The following ST6GAL1 variants were observed in gnomAD, a reference collection of about 807,000 sequenced individuals.
ST6GAL1 encodes the protein ST6 beta-galactoside alpha-2,6-sialyltransferase 1.
ST6GAL1 carries 20 observed loss-of-function variants against 38.0 expected under a neutral mutation model. The ratio of observed to expected loss-of-function variants is 0.53; its 90% CI spans 0.37 to 0.77. The LOEUF is 0.77. Among genes scored for constraint, ST6GAL1 ranks in the 30% least tolerant of loss-of-function variants. The pLI, the probability that ST6GAL1 is intolerant of heterozygous loss-of-function variation, is 0.00. For synonymous variants in ST6GAL1, 196 were observed against 188.2 expected (o/e 1.04, Z -0.34); for missense variants, 432 against 496.4 (o/e 0.87, Z 1.23).
At chr3:186,944,804 T>A (rs13060992) in intron 1 of ST6GAL1, among the ~76,000 whole-genome samples, 2 of 152,134 alleles carry the variant, frequency 1.3e-5, no homozygotes, top group Admixed American at 6.5e-5. Context: ...GCGGAGGCAC[T>A]CGTCGCTTTT....
At chr3:187,019,570 T>G (rs1282757094) in intron 2 of ST6GAL1, among the ~76,000 whole-genome samples, 2 of 152,220 alleles carry the variant, frequency 1.3e-5, no homozygotes, top group African/African-American at 4.8e-5. Context: ...GCAAACTTCT[T>G]GTGGGGCAGC....
At chr3:186,960,514 C>T (rs1048910072) in intron 1 of ST6GAL1, among the ~76,000 whole-genome samples, 1 of 152,110 alleles carries the variant, frequency 6.6e-6, no homozygotes, top group Non-Finnish European at 1.5e-5. Context: ...CTTGTGGTGA[C>T]AGATTACAGA....
intron 1 of ST6GAL1, among the ~76,000 whole-genome samples, chr3:186,933,240 A>T (rs1713823822): frequency 6.6e-6 from 1 of 152,184 alleles, no homozygotes; most frequent in Admixed American, 6.5e-5. Context: ...CAAACCGGTC[A>T]GCATGCACTC....
At chr3:187,024,984 G>GGAGC (rs144967613) in intron 2 of ST6GAL1, 1 of 127,684 alleles carries the variant, frequency 7.8e-6, no homozygotes, top group Non-Finnish European at 1.6e-5. Context: ...GGCAGAACCT[G>GGAGC]GTGCGTGTGT....
chr3:187,017,813 A>G (rs549698645), intron 2 of ST6GAL1, among the ~76,000 whole-genome samples: 1 of 152,328 alleles, frequency 6.6e-6, no homozygotes, highest in South Asian at 2.1e-4. Flanking sequence ...CGCGATCCCC[A>G]GCCCTGGAAT....
In ST6GAL1 at chr3:186,949,278, G is replaced by A. The variant is rs541347562; in HGVS notation, c.-324-14507G>A. ...GTGAGAGAGGGAAGAAGGCAGCTAGGGAGCTGTGACGTGGCAGCCAGGCTG... is the reference window on the plus strand; with the variant it reads ...GTGAGAGAGGGAAGAAGGCAGCTAGAGAGCTGTGACGTGGCAGCCAGGCTG... On this transcript the variant is annotated intron_variant, in intron 1 of 7. Transcript: ENST00000169298. 5.9e-5 allele frequency among the ~76,000 whole-genome samples: 9 copies of A among 152,288 alleles called. No individual in the cohort carries two copies. In the South Asian group the frequency reaches 1.9e-3, roughly 32 times the overall value.
intron 5 of ST6GAL1, among the ~76,000 whole-genome samples, chr3:187,068,774 T>C (rs1719261911): frequency 1.3e-5 from 2 of 152,222 alleles, no homozygotes; most frequent in African/African-American, 4.8e-5. Context: ...CTCATGAGTA[T>C]GTATATATCA....
At position 187,031,966 on chromosome 3, in the gene ST6GAL1, C is replaced by T. The variant is rs77982432; in HGVS notation, c.-182-6776C>T. Among the ~76,000 whole-genome samples, 227 of 152,272 alleles carry T rather than the reference C, an allele frequency of 1.5e-3. 2 individuals are homozygous for T. The highest frequency in any genetic ancestry group is 5.3e-3 in the African/African-American group (221 of 41,548). On this transcript the variant is annotated intron_variant, in intron 2 of 7. Transcript: ENST00000169298. ...GCTATAGTCAGTGCTTGGCACATAGCTAGTGCTAAATAAATGGTAGCTATT... is the reference window on the plus strand; with the variant it reads ...GCTATAGTCAGTGCTTGGCACATAGTTAGTGCTAAATAAATGGTAGCTATT...
At chr3:186,999,417 T>C (rs1033523840) in intron 2 of ST6GAL1, among the ~76,000 whole-genome samples, 2 of 150,820 alleles carry the variant, frequency 1.3e-5, no homozygotes, top group Non-Finnish European at 3.0e-5. Flanking sequence ...TAATCTCTTT[T>C]TTTTTTTTTT....
intron 2 of ST6GAL1, among the ~76,000 whole-genome samples, chr3:187,014,990 C>T (rs1390731566): frequency 6.6e-6 from 1 of 152,180 alleles, no homozygotes; most frequent in Non-Finnish European, 1.5e-5. Context: ...CTTATTGATT[C>T]CACGAATAAA....
intron 1 of ST6GAL1, among the ~76,000 whole-genome samples, chr3:186,960,402 A>G (rs1714893798): frequency 6.6e-6 from 1 of 152,226 alleles, no homozygotes; most frequent in African/African-American, 2.4e-5. Flanking sequence ...GGAGTTGAGC[A>G]CAATCTTGGC....
intron 2 of ST6GAL1, among the ~76,000 whole-genome samples, chr3:187,010,792 G>T (rs1054893265): frequency 6.6e-6 from 1 of 152,156 alleles, no homozygotes; most frequent in African/African-American, 2.4e-5. Context: ...CCAAAGCCCC[G>T]CGTCTATCAC....
chr3:186,992,948 A>G (rs962123107), intron 2 of ST6GAL1, among the ~76,000 whole-genome samples: 4 of 152,102 alleles, frequency 2.6e-5, no homozygotes, highest in Non-Finnish European at 5.9e-5. Context: ...CAAACTGTTT[A>G]CTAACTTGCC....
chr3:187,009,167 A>C (rs1344572412), intron 2 of ST6GAL1, among the ~76,000 whole-genome samples: 1 of 148,002 alleles, frequency 6.8e-6, no homozygotes, highest in African/African-American at 2.5e-5. Flanking sequence ...TAGTTTTATA[A>C]TATTCTTTAT....
At chr3:187,071,444 T>C (rs1719366746) in intron 5 of ST6GAL1, among the ~76,000 whole-genome samples, 1 of 152,082 alleles carries the variant, frequency 6.6e-6, no homozygotes, top group Admixed American at 6.5e-5. Context: ...TTATTCCCAT[T>C]TCACCGATCA....
At chr3:187,071,776 C>CAAAAAAAAAAAAAAAAA (rs11330261) in intron 5 of ST6GAL1, among the ~76,000 whole-genome samples, 2 of 72,342 alleles carry the variant, frequency 2.8e-5, no homozygotes, top group East Asian at 4.6e-4. Context: ...GACTCCGCCT[C>CAAAAAAAAAAAAAAAAA]AAAAAAAAAA....
intron 5 of ST6GAL1, among the ~76,000 whole-genome samples, chr3:187,066,864 G>A (rs184005316): frequency 1.3e-5 from 2 of 152,122 alleles, no homozygotes; most frequent in East Asian, 3.9e-4. Context: ...CTGCAGGTAA[G>A]TACAGGCGTT....
intron 2 of ST6GAL1, chr3:186,964,202 C>T (rs1363859012): frequency 6.6e-6 from 1 of 152,158 alleles, no homozygotes; most frequent in African/African-American, 2.4e-5. Flanking sequence ...ATTTATCCTC[C>T]AGGTAAGACT....
intron 2 of ST6GAL1, among the ~76,000 whole-genome samples, chr3:186,970,779 T>C (rs1715321747): frequency 4.6e-5 from 7 of 152,220 alleles, no homozygotes; most frequent in Admixed American, 2.6e-4. Flanking sequence ...ATGGTATGCA[T>C]GTATCACAGT....
Sources: allele counts gnomAD v4.1 joint callset (sites outside exome capture counted in the v4.1 genomes callset), GRCh38; gene constraint gnomAD v4.1.1; transcripts MANE v1.5; gene names NCBI Gene and HGNC (gene_info 2026-07-23, HGNC 2026-07-21).